The following PCDHA1 variants were observed in gnomAD, a reference collection of about 807,000 sequenced individuals.
The protein encoded by PCDHA1 is protocadherin alpha-1.
A neutral mutation model predicts 61.3 loss-of-function variants in PCDHA1; 42 were observed. The observed-to-expected ratio is 0.69, with a 90% CI of 0.54 to 0.89. PCDHA1 has a LOEUF of 0.89. PCDHA1 is among the 40% of genes least tolerant of loss of function. PCDHA1 has a pLI of 0.00. For synonymous variants in PCDHA1, 610 were observed against 553.8 expected (o/e 1.10, Z -1.43); for missense variants, 1,256 against 1,235.3 (o/e 1.02, Z -0.25).
At chr5:140,976,060 T>G (rs1554237234) in intron 1 of PCDHA1, among the ~76,000 whole-genome samples, 3 of 152,228 alleles carry the variant, frequency 2.0e-5, no homozygotes. Flanking sequence ...GATAGTAATA[T>G]ATGTCTTACT....
chr5:140,844,618 A>C (rs1230516172), intron 1 of PCDHA1, among the ~76,000 whole-genome samples: 1 of 149,532 alleles, frequency 6.7e-6, no homozygotes, highest in Non-Finnish European at 1.5e-5. Context: ...AAATGTTTTC[A>C]TCAGAAAAAC....
intron 1 of PCDHA1, among the ~76,000 whole-genome samples, chr5:140,914,575 A>G (rs2076765762): frequency 2.0e-5 from 3 of 152,018 alleles, no homozygotes; most frequent in African/African-American, 7.2e-5. Context: ...TTTACATTCA[A>G]TAATTTCATT....
chr5:140,928,788 G>A, intron 1 of PCDHA1: 1 of 1,614,214 alleles, frequency 6.2e-7, no homozygotes, highest in South Asian at 1.1e-5. Flanking sequence ...CAGTTAAGCA[G>A]AGGGTGGTGG....
chr5:140,841,020 C>T (rs186269491), intron 1 of PCDHA1, among the ~76,000 whole-genome samples: 2 of 151,914 alleles, frequency 1.3e-5, no homozygotes, highest in African/African-American at 4.8e-5. Flanking sequence ...AGTATGAATG[C>T]CTCTGCAATT....
chr5:140,928,262 A>G, intron 1 of PCDHA1: 1 of 1,614,214 alleles, frequency 6.2e-7, no homozygotes, highest in Non-Finnish European at 8.5e-7. Flanking sequence ...GTTGCTGAAA[A>G]CAATGGCCCT....
intron 1 of PCDHA1, among the ~76,000 whole-genome samples, chr5:140,946,468 C>T (rs1249840749): frequency 1.3e-5 from 2 of 151,720 alleles, no homozygotes; most frequent in Non-Finnish European, 2.9e-5. Flanking sequence ...AATCCCACTA[C>T]TGGGTATATA....
At chr5:141,005,303 A>T (rs2098205194) in intron 3 of PCDHA1, among the ~76,000 whole-genome samples, 2 of 152,212 alleles carry the variant, frequency 1.3e-5, no homozygotes, top group Non-Finnish European at 2.9e-5. Context: ...TGCCTTTGTG[A>T]ATCTTACAGT....
intron 1 of PCDHA1, chr5:140,805,390 C>T: frequency 9.2e-7 from 1 of 1,090,790 alleles, no homozygotes; most frequent in Non-Finnish European, 1.1e-6. Flanking sequence ...ACTCTGGTTT[C>T]TGTTTGATTC....
intron 1 of PCDHA1, chr5:140,836,334 G>C (rs1554135822): frequency 1.1e-5 from 17 of 1,613,642 alleles, no homozygotes; most frequent in Non-Finnish European, 1.4e-5. Flanking sequence ...TCTGGTGCTT[G>C]TGAAGGACCA....
chr5:140,850,520 G>A (rs2150487404), intron 1 of PCDHA1: 1 of 1,598,300 alleles, frequency 6.3e-7, no homozygotes, highest in South Asian at 1.1e-5. Context: ...GCGGCCAGGC[G>A]CCAAAGTCAT....
At chr5:140,842,387 T>C (rs2150335066) in intron 1 of PCDHA1, 1 of 1,611,016 alleles carries the variant, frequency 6.2e-7, no homozygotes, top group Admixed American at 1.7e-5. Flanking sequence ...GACTTCCTTA[T>C]CCTTGCCTGT....
At chr5:140,987,997 T>C (rs2097277277) in intron 3 of PCDHA1, among the ~76,000 whole-genome samples, 1 of 152,212 alleles carries the variant, frequency 6.6e-6, no homozygotes, top group African/African-American at 2.4e-5. Flanking sequence ...TCTCTGATCC[T>C]TCCCCAGAAA....
intron 1 of PCDHA1, chr5:140,863,620 A>G (rs2048096081): frequency 3.1e-6 from 1 of 322,758 alleles, no homozygotes; most frequent in Non-Finnish European, 6.1e-6. Context: ...CCTCATAGTG[A>G]CATTGATAAT....
intron 1 of PCDHA1, chr5:140,823,804 G>C (rs782334570): frequency 1.2e-6 from 2 of 1,613,694 alleles, no homozygotes; most frequent in Non-Finnish European, 1.7e-6. Flanking sequence ...GGCGCCGAAG[G>C]CCTCATCGCG....
At chr5:140,811,302 T>C (rs1303740185) in intron 1 of PCDHA1, 1 of 152,298 alleles carries the variant, frequency 6.6e-6, no homozygotes, top group Non-Finnish European at 1.5e-5. Context: ...AATGACGGTT[T>C]CCAGCTTCAT....
intron 1 of PCDHA1, chr5:140,805,748 A>G: frequency 3.8e-6 from 1 of 262,866 alleles, no homozygotes; most frequent in Non-Finnish European, 5.9e-6. Context: ...ATTGAACTTG[A>G]AATACATCTT....
intron 1 of PCDHA1, among the ~76,000 whole-genome samples, chr5:140,896,062 C>T (rs781234487): frequency 1.1e-4 from 17 of 152,104 alleles, no homozygotes; most frequent in South Asian, 4.2e-4. Flanking sequence ...CCGCCTGCCT[C>T]GGCCTCCCAA....
rs200732213 is a variant in PCDHA1, at chr5:140,863,214, A to G, written c.2394+74530A>G. On this transcript the variant is annotated intron_variant, in intron 1 of 3. Transcript: ENST00000504120. ...TGGCGTCGCTGGCGGAGAGCAGCCA[A>G]GCGAGGAAGGTCCCATCGCGGGCTT... The G allele has an allele frequency of 2.6e-3, 2,761 of 1,068,920 alleles. 12 individuals carry two copies. The highest frequency in any genetic ancestry group is 9.8e-3 in the Middle Eastern group (44 of 4,506). The allele number at this position is 1,068,920 out of a possible 1,614,324, so 66.2% of individuals were successfully genotyped here. A position where few individuals can be genotyped will look rare whatever the true frequency, so the allele number is the denominator to read the frequency against.
chr5:140,797,240 G>T (rs782112460), intron 1 of PCDHA1: 2 of 1,614,196 alleles, frequency 1.2e-6, no homozygotes, highest in South Asian at 2.2e-5. Context: ...CAGAGGGTGT[G>T]CTCTGGGGAG....
Sources: allele counts gnomAD v4.1 joint callset (sites outside exome capture counted in the v4.1 genomes callset), GRCh38; gene constraint gnomAD v4.1.1; transcripts MANE v1.5; gene names NCBI Gene and HGNC (gene_info 2026-07-23, HGNC 2026-07-21).